Variants in MAMLD1 observed in about 807,000 individuals in gnomAD.
The protein encoded by MAMLD1 is mastermind like domain containing 1.
Under a neutral mutation model 45.0 loss-of-function variants are expected in MAMLD1, and 14 were observed. The ratio of observed to expected loss-of-function variants is 0.31; its 90% confidence interval spans 0.21 to 0.49. MAMLD1 has a LOEUF of 0.49. Among genes scored for constraint, MAMLD1 ranks in the 20% least tolerant of loss-of-function variants. The pLI is 0.99. For missense variants in MAMLD1, 543 were observed against 603.6 expected (o/e 0.90, Z 1.05); for synonymous variants, 254 against 247.8 (o/e 1.02, Z -0.24).
intron 2 of MAMLD1, 27 bp downstream of exon 2, chrX:150,445,639 G>T: frequency 9.3e-7 from 1 of 1,077,782 alleles, no homozygotes; most frequent in Non-Finnish European, 1.3e-6. Flanking sequence ...TGGGGGGAGG[G>T]GGGTATTTAA....
At position 150,512,406 on chromosome X, in the gene MAMLD1, A is replaced by T; in HGVS notation, c.*447A>T. The stretch of plus-strand genomic sequence containing the variant: ...GTGCCAAGAATGCCCACTGCGTTCA[A>T]CAATGCTGCATGGGTCACAGCGGCA... On this transcript the variant is annotated 3_prime_UTR_variant, in exon 8 of 8. Transcript: ENST00000370401. 2 of 1,152,137 alleles carry T rather than the reference A, an allele frequency of 1.7e-6. No homozygotes were observed. Among genetic ancestry groups the T allele is most frequent in the Non-Finnish European group, 2.3e-6 (2 of 869,999 alleles). 94.9% of individuals were successfully genotyped at this position (1,152,137 alleles called of 1,213,427 possible).
intron 1 of MAMLD1, among the ~76,000 whole-genome samples, chrX:150,388,707 G>T (rs1459013714): frequency 2.7e-5 from 3 of 111,707 alleles, no homozygotes; most frequent in Non-Finnish European, 5.7e-5. Flanking sequence ...GTAGTGATTT[G>T]TATCTTCTCT....
intron 5 of MAMLD1, among the ~76,000 whole-genome samples, chrX:150,502,861 G>A (rs190824413): frequency 1.5e-3 from 165 of 111,815 alleles, no homozygotes; most frequent in African/African-American, 5.1e-3. Context: ...GATCAGGCTT[G>A]GTCAAAGTCA....
intron 5 of MAMLD1, among the ~76,000 whole-genome samples, chrX:150,478,703 C>T (rs1398183508): frequency 1.8e-5 from 2 of 112,305 alleles, no homozygotes; most frequent in Admixed American, 9.4e-5. Flanking sequence ...TCAAAGAGCC[C>T]GTGGGTCAGA....
upstream of MAMLD1, chrX:150,362,845 C>CG (rs1253549867): frequency 5.3e-5 from 6 of 112,879 alleles, no homozygotes; most frequent in Non-Finnish European, 1.1e-4. Context: ...CAGCTGACGC[C>CG]GGGGGCACAG....
At chrX:150,506,503 A>C (rs1435724551) in intron 6 of MAMLD1, among the ~76,000 whole-genome samples, 2 of 111,075 alleles carry the variant, frequency 1.8e-5, no homozygotes, top group African/African-American at 6.6e-5. Flanking sequence ...TTCTTGTCTG[A>C]GTCAGGATGC....
chrX:150,465,973 A>C (rs1437602250), intron 3 of MAMLD1, among the ~76,000 whole-genome samples: 1 of 112,436 alleles, frequency 8.9e-6, no homozygotes, highest in East Asian at 2.8e-4. Context: ...TTGATCTAAA[A>C]TGGTGGCTGT....
chrX:150,481,920 G>A (rs1325966926), intron 5 of MAMLD1, among the ~76,000 whole-genome samples: 6 of 92,421 alleles, frequency 6.5e-5, no homozygotes, highest in African/African-American at 2.3e-4. Context: ...CAGAGACAGA[G>A]ACAGAGAAAG....
intron 2 of MAMLD1, among the ~76,000 whole-genome samples, chrX:150,454,694 C>A (rs1569564842): frequency 9.0e-6 from 1 of 111,115 alleles, no homozygotes; most frequent in African/African-American, 3.3e-5. Context: ...TGGGAACTCA[C>A]CCTGATCCCA....
intron 1 of MAMLD1, among the ~76,000 whole-genome samples, chrX:150,424,984 T>C (rs1557403751): frequency 8.9e-6 from 1 of 112,301 alleles, no homozygotes. Context: ...ATAAATTGAA[T>C]CATACAATAT....
At chrX:150,380,480 GT>G (rs782043454) in intron 1 of MAMLD1, among the ~76,000 whole-genome samples, 6 of 109,998 alleles carry the variant, frequency 5.5e-5, no homozygotes, top group African/African-American at 9.9e-5. Flanking sequence ...TTGGTTTGTG[GT>G]TTTTTTCAAT....
chrX:150,450,073 G>A (rs2035612447), intron 2 of MAMLD1, among the ~76,000 whole-genome samples: 1 of 111,824 alleles, frequency 8.9e-6, no homozygotes, highest in South Asian at 3.8e-4. Context: ...CAGATTAGGA[G>A]CTCAGGTATT....
chrX:150,449,071 A>G (rs939601233), intron 2 of MAMLD1, among the ~76,000 whole-genome samples: 3 of 111,786 alleles, frequency 2.7e-5, no homozygotes, highest in Admixed American at 1.9e-4. Context: ...TCTATAGATT[A>G]CAATGGGATG....
intron 1 of MAMLD1, among the ~76,000 whole-genome samples, chrX:150,394,144 T>TTTTTTTTTTTG: frequency 1.1e-5 from 1 of 88,403 alleles, no homozygotes; most frequent in Non-Finnish European, 2.2e-5. Context: ...TTTTTTTTTT[T>TTTTTTTTTTTG]TTTTTTTTTT....
chrX:150,389,693 T>C (rs782505619), intron 1 of MAMLD1, among the ~76,000 whole-genome samples: 2 of 112,371 alleles, frequency 1.8e-5, no homozygotes, highest in South Asian at 7.4e-4. Context: ...TTGCAGATTC[T>C]GTCTAGCAGT....
chrX:150,460,918 T>C (rs1226534930), intron 2 of MAMLD1, among the ~76,000 whole-genome samples: 1 of 111,843 alleles, frequency 8.9e-6, no homozygotes, highest in South Asian at 3.7e-4. Context: ...CCATTCCTAA[T>C]CCCATCAGCA....
intron 5 of MAMLD1, among the ~76,000 whole-genome samples, chrX:150,488,886 C>T (rs2037081641): frequency 1.8e-5 from 2 of 113,001 alleles, no homozygotes; most frequent in African/African-American, 3.2e-5. Context: ...TCTACAGAAA[C>T]GAGCAGCATG....
At chrX:150,368,575 A>G (rs1183811827) in intron 1 of MAMLD1, among the ~76,000 whole-genome samples, 2 of 110,581 alleles carry the variant, frequency 1.8e-5, no homozygotes, top group African/African-American at 6.6e-5. Flanking sequence ...ATTAGATCCC[A>G]TTTGTCAATT....
At chrX:150,445,132 C>G (rs952160254) in intron 1 of MAMLD1, among the ~76,000 whole-genome samples, 1 of 112,218 alleles carries the variant, frequency 8.9e-6, no homozygotes, top group Non-Finnish European at 1.9e-5. Context: ...CAAATCCAGA[C>G]GTAGGACCCA....
Sources: allele counts gnomAD v4.1 joint callset (sites outside exome capture counted in the v4.1 genomes callset), GRCh38; gene constraint gnomAD v4.1.1; transcripts MANE v1.5; gene names NCBI Gene and HGNC (gene_info 2026-07-23, HGNC 2026-07-21).